LRP3: variants seen among roughly 807,000 people sequenced by gnomAD.
The protein encoded by LRP3 is LDL receptor related protein 3.
LRP3 carries 49 observed loss-of-function variants against 58.5 expected under a neutral mutation model. The observed-to-expected ratio is 0.84, with a 90% CI of 0.67 to 1.06. LRP3 has a LOEUF of 1.06. LRP3 is among the 50% of genes least tolerant of loss of function. The probability of loss-of-function intolerance (pLI) is 0.00; values close to 1 mark genes in which losing one functional copy is unlikely to be tolerated. For missense variants in LRP3, 1,019 were observed against 1,134.2 expected (o/e 0.90, Z 1.46); for synonymous variants, 485 against 492.2 (o/e 0.99, Z 0.20).
rs559172633 is a variant in LRP3 at position 33,206,350 on chromosome 19, C to T, written c.1580C>T (p.Thr527Met). The T allele has an allele frequency of 5.8e-5, 93 of 1,604,066 alleles. No individual in the cohort carries two copies. The highest frequency in any genetic ancestry group is 7.0e-5 in the Non-Finnish European group (83 of 1,177,830). ...GCCTTCAAGCTCTACTCACTGCGCA[C>T]GCAGGAATACAGGTGGGCGCTGTGC... ...GCAFKLYSLR[T>M]QEYRAFETQM... Residue 527 changes from threonine to methionine, a missense_variant, in exon 5 of 7, where the codon ACG becomes ATG. Transcript: ENST00000253193.
rs139271153 is a variant in LRP3 at position 33,204,724 on chromosome 19, C to T, written c.347C>T (p.Ala116Val). The change falls in exon 4 of 7, where the codon GCC (alanine) becomes GTC (valine). Residue 116 changes from alanine to valine, a missense_variant. Transcript: ENST00000253193. ...LGPAAPPRQEAFRLCGSAIPP... is the reference protein window; with the variant it reads ...LGPAAPPRQEVFRLCGSAIPP... ...CCAGCAGCCCCACCCCGCCAGGAGG[C>T]CTTCCGCCTCTGTGGCTCCGCCATC... 6 of 1,611,454 alleles carry T rather than the reference C, an allele frequency of 3.7e-6. No individual in the cohort carries two copies. In the South Asian group the frequency reaches 6.6e-5, roughly 18 times the overall value.
At position 33,194,775 on chromosome 19, in the gene LRP3, C is replaced by T. The variant is rs1974267557; in HGVS notation, c.-11C>T. On this transcript the variant is annotated 5_prime_UTR_variant, in exon 1 of 7. Transcript: ENST00000253193. ...GGCAGGAGGCGGCGCCCGCGGGCGGCCGGGCCCGGCATGGAGAAGCGCGCG... is the reference window on the plus strand; with the variant it reads ...GGCAGGAGGCGGCGCCCGCGGGCGGTCGGGCCCGGCATGGAGAAGCGCGCG... 1 of 980,938 alleles carries T rather than the reference C, an allele frequency of 1.0e-6. No individual in the cohort carries two copies. Among genetic ancestry groups the T allele is most frequent in the Non-Finnish European group, 1.2e-6 (1 of 824,628 alleles). 60.8% of individuals were successfully genotyped at this position (980,938 alleles called of 1,614,324 possible). A position where few individuals can be genotyped will look rare whatever the true frequency, so the allele number is the denominator to read the frequency against.
Position 33,202,857 on chromosome 19 carries a change from G to A in LRP3, c.131G>A (p.Ser44Asn), listed in dbSNP as rs767096874. Residue 44 changes from serine (S) to asparagine (N), a missense_variant, in exon 3 of 7, where the codon AGT becomes AAT. Around this residue, in one of 2 missense-constraint regions of LRP3, gnomAD observed 592 missense variants for 725.5 expected, o/e 0.82. Coordinates refer to ENST00000253193, the MANE Select transcript of LRP3 (RefSeq NM_002333.4). The part of the protein sequence containing the change: ...SSAVPALAAC[S>N]GKLEQHTERR... Reference sequence around the variant, plus strand: ...CCTCCTCTCCCGACAGCGGCCTGCAGTGGGAAGCTGGAGCAGCACACGGAG... The same window carrying A: ...CCTCCTCTCCCGACAGCGGCCTGCAATGGGAAGCTGGAGCAGCACACGGAG... The A allele has an allele frequency of 5.0e-6, 8 of 1,609,988 alleles. 1 individual carries two copies. The highest frequency in any genetic ancestry group is 1.7e-4 in the Middle Eastern group (1 of 6,018).
At position 33,205,660 on chromosome 19, in the gene LRP3, A is replaced by T; in HGVS notation, c.890A>T (p.Gln297Leu). The T allele has an allele frequency of 6.2e-7, 1 of 1,609,434 alleles. No homozygotes were observed. Among genetic ancestry groups the T allele is most frequent in the Non-Finnish European group, 8.5e-7 (1 of 1,179,406 alleles). The change falls in exon 5 of 7, where the codon CAG becomes CTG. Residue 297 changes from glutamine to leucine, a missense_variant. Gln to Leu is a moderately radical substitution (Grantham distance 113). This residue lies in a region of LRP3 where 592 missense variants were observed against 725.5 expected (regional missense o/e 0.82). Transcript: ENST00000253193. ...CAGGACTCCCGGCGGGTGCTGCTGC[A>T]GCTGGAACTGCGGCTGGGCTATGAC... ...DTQDSRRVLL[Q>L]LELRLGYDDY...
intron 2 of LRP3, among the ~76,000 whole-genome samples, chr19:33,200,478 G>A (rs564884902): frequency 6.6e-5 from 10 of 152,186 alleles, no homozygotes; most frequent in East Asian, 3.9e-4. Flanking sequence ...TTATCCCCCC[G>A]CCTTGGCCTC....
chr19:33,206,477 G>A, intron 5 of LRP3, 115 bp downstream of exon 5: 1 of 1,592,672 alleles, frequency 6.3e-7, no homozygotes, highest in Non-Finnish European at 8.5e-7. Flanking sequence ...AGGCTGCCCT[G>A]GTGCACACTG....
Position 33,194,696 on chromosome 19 carries a change from C to A in LRP3, c.-90C>A. 2.9e-6 allele frequency: 1 copy of A among 346,816 alleles called. No homozygotes were observed. Among genetic ancestry groups the A allele is most frequent in the Non-Finnish European group, 4.1e-6 (1 of 246,048 alleles). 21.5% of individuals were successfully genotyped at this position (346,816 alleles called of 1,614,324 possible). On this transcript the variant is annotated 5_prime_UTR_variant, in exon 1 of 7. Transcript: ENST00000253193. ...GCCCTAGCCCGAGCCCGAGCCCGAG[C>A]CGCAGCCAGAGCCAGAGCCGGAGCC...
chr19:33,204,300 A>C, intron 3 of LRP3: 1 of 318,206 alleles, frequency 3.1e-6, no homozygotes, highest in Non-Finnish European at 5.9e-6. Flanking sequence ...GTGTCGGGGC[A>C]GGGGGCTCTT....
chr19:33,207,652 C>T lies in LRP3; in HGVS notation c.*77C>T, dbSNP rs535606815. 1.4e-5 allele frequency: 17 copies of T among 1,195,520 alleles called. No individual in the cohort carries two copies. Among genetic ancestry groups the T allele is most frequent in the Middle Eastern group, 2.0e-4 (1 of 4,956 alleles). 74.1% of individuals were successfully genotyped at this position (1,195,520 alleles called of 1,614,324 possible). The stretch of plus-strand genomic sequence containing the variant: ...CACAGTCATTTCTACCCTGCCTCTG[C>T]GTCCTTTCTTATGGAGAGGCCCTCC... On this transcript the variant is annotated 3_prime_UTR_variant, in exon 7 of 7. Coordinates refer to ENST00000253193, the MANE Select transcript of LRP3 (RefSeq NM_002333.4).
rs1287291528 is a variant in LRP3 at position 33,194,564 on chromosome 19, C to G, written c.-222C>G. 6.8e-6 allele frequency: 1 copy of G among 147,332 alleles called. No individual in the cohort carries two copies. The highest frequency in any genetic ancestry group is 1.5e-5 in the Non-Finnish European group (1 of 66,260). The allele number at this position is 147,332 out of a possible 1,614,324, so 9.1% of individuals were successfully genotyped here. A position where few individuals can be genotyped will look rare whatever the true frequency, so the allele number is the denominator to read the frequency against. Reference sequence around the variant, plus strand: ...CCCGCAGGGCCCGTGACGCCGCGGCCGATGTGGCCGCGCGCGCCCTACGGG... The same window carrying G: ...CCCGCAGGGCCCGTGACGCCGCGGCGGATGTGGCCGCGCGCGCCCTACGGG... On this transcript the variant is annotated 5_prime_UTR_variant, in exon 1 of 7. Transcript: ENST00000253193.
At position 33,202,999 on chromosome 19, in the gene LRP3, G is replaced by A. The variant is rs760111569; in HGVS notation, c.260+13G>A. 1.1e-5 allele frequency: 17 copies of A among 1,610,918 alleles called. No homozygotes were observed. The highest frequency in any genetic ancestry group is 1.3e-5 in the African/African-American group (1 of 74,880). On this transcript the variant is annotated intron_variant, in intron 3 of 6. Transcript: ENST00000253193. ...TGATTACCATCAGGTAGGGGCACCC[G>A]GGGGTGTCGGAAGGAATCAATGTGG... is the stretch of plus-strand genomic sequence containing the variant.
At chr19:33,198,919 G>A (rs907496415) in intron 2 of LRP3, among the ~76,000 whole-genome samples, 19 of 152,228 alleles carry the variant, frequency 1.2e-4, no homozygotes, top group Non-Finnish European at 2.5e-4. Context: ...TGCAAATTGT[G>A]CTTTCTCAGG....
In LRP3 at chr19:33,205,168, C is replaced by G. The variant is rs1234139892; in HGVS notation, c.476-78C>G. Reference sequence around the variant, plus strand: ...ACAGTGATGGGGAACCACCTGCCCGCTTTTGGCCCCAGGCCCCCTGGCCGA... The same window carrying G: ...ACAGTGATGGGGAACCACCTGCCCGGTTTTGGCCCCAGGCCCCCTGGCCGA... On this transcript the variant is annotated intron_variant, in intron 4 of 6. Transcript: ENST00000253193. 5 of 1,494,366 alleles carry G rather than the reference C, an allele frequency of 3.3e-6. No homozygotes were observed. In the African/African-American group the frequency reaches 7.0e-5, roughly 21 times the overall value. The allele number at this position is 1,494,366 out of a possible 1,614,324, so 92.6% of individuals were successfully genotyped here.
At chr19:33,195,051 A>G (rs1055076862) in intron 1 of LRP3, among the ~76,000 whole-genome samples, 193 bp downstream of exon 1, 13 of 151,936 alleles carry the variant, frequency 8.6e-5, no homozygotes, top group African/African-American at 3.1e-4. Context: ...CTGGTGGCGC[A>G]GCCCCGGCTC....
Position 33,206,337 on chromosome 19 carries a change from T to A in LRP3, c.1567T>A (p.Tyr523Asn). Residue 523 changes from tyrosine (Y) to asparagine (N), a missense_variant, in exon 5 of 7, where the codon TAC (tyrosine) becomes AAC (asparagine). This residue lies in a region of LRP3 where 427 missense variants were observed against 408.6 expected (regional missense o/e 1.04). Coordinates refer to ENST00000253193, the MANE Select transcript of LRP3 (RefSeq NM_002333.4). ...CGCGCTGGGCTGCGCCTTCAAGCTC[T>A]ACTCACTGCGCACGCAGGAATACAG... The part of the protein sequence containing the change: ...VIALGCAFKL[Y>N]SLRTQEYRAF... 6.2e-7 allele frequency: 1 copy of A among 1,603,704 alleles called. No homozygotes were observed. Among genetic ancestry groups the A allele is most frequent in the Non-Finnish European group, 8.5e-7 (1 of 1,176,714 alleles).
chr19:33,202,318 A>G (rs1029743841), intron 2 of LRP3, among the ~76,000 whole-genome samples: 2 of 152,282 alleles, frequency 1.3e-5, no homozygotes, highest in Admixed American at 6.5e-5. Context: ...CCCCCAGCCT[A>G]TGAGTTCCAT....
At position 33,207,425 on chromosome 19, in the gene LRP3, C is replaced by T; in HGVS notation, c.2163C>T (p.Cys721=). The change falls in exon 7 of 7, where the codon TGC becomes TGT. Residue 721 remains cysteine (C), a synonymous_variant. Transcript: ENST00000253193. ...CTGCAGATGCACCTCGGGAGCCCTG[C>T]TCAGCCCAGGACCCGCACCCCCAGG... is the stretch of plus-strand genomic sequence containing the variant. ...PAPADAPREP[C]SAQDPHPQVS... 1 of 1,593,994 alleles carries T rather than the reference C, an allele frequency of 6.3e-7. No homozygotes were observed. The highest frequency in any genetic ancestry group is 8.5e-7 in the Non-Finnish European group (1 of 1,174,946).
chr19:33,204,255 T>G, intron 3 of LRP3: 1 of 250,094 alleles, frequency 4.0e-6, no homozygotes, highest in Non-Finnish European at 7.8e-6. Context: ...AGGTGGAGGG[T>G]TCTGGGCCCT....
chr19:33,195,621 T>C (rs1974277870), intron 1 of LRP3, among the ~76,000 whole-genome samples: 1 of 152,228 alleles, frequency 6.6e-6, no homozygotes, highest in Non-Finnish European at 1.5e-5. Flanking sequence ...GAGGGCTCTG[T>C]AACCTGACAG....
Sources: gnomAD v4.1 joint callset for allele counts (sites outside exome capture counted in the v4.1 genomes callset) on GRCh38, gnomAD v4.1.1 for gene constraint, gnomAD v4.1.1 regional missense constraint, MANE v1.5 for transcripts, NCBI Gene and HGNC (gene_info 2026-07-23, HGNC 2026-07-21) for gene names.